Variants in KCNH1 observed in about 807,000 individuals in gnomAD.
KCNH1 encodes the protein potassium voltage-gated channel subfamily H member 1.
In KCNH1, 27 loss-of-function variants were observed where a neutral mutation model predicts 69.2. The ratio of observed to expected loss-of-function variants is 0.39; its 90% confidence interval spans 0.29 to 0.54. The LOEUF (loss-of-function observed/expected upper bound fraction) is 0.54. KCNH1 is among the 20% of genes least tolerant of loss of function. KCNH1 has a pLI of 0.68. For missense variants in KCNH1, 798 were observed against 1,261.6 expected, an observed-to-expected ratio of 0.63 and a Z score of 5.57; for synonymous variants, 456 against 487.7, an observed-to-expected ratio of 0.93 and a Z score of 0.86.
At chr1:210,947,283 T>C (rs1369137629) in intron 6 of KCNH1, among the ~76,000 whole-genome samples, 1 of 152,040 alleles carries the variant, frequency 6.6e-6, no homozygotes, top group African/African-American at 2.4e-5. Context: ...TAAAGCTCAA[T>C]TCTTGGCCAG....
At chr1:210,767,936 C>T (rs1479664336) in intron 10 of KCNH1, among the ~76,000 whole-genome samples, 1 of 152,202 alleles carries the variant, frequency 6.6e-6, no homozygotes, top group Non-Finnish European at 1.5e-5. Context: ...CTCTACCATT[C>T]CCTCCATTCA....
At chr1:210,719,544 G>A (rs1682399307) in intron 10 of KCNH1, among the ~76,000 whole-genome samples, 1 of 152,036 alleles carries the variant, frequency 6.6e-6, no homozygotes, top group Admixed American at 6.6e-5. Context: ...AGGGCCTGTT[G>A]GGGAGTGGAT....
chr1:211,004,800 T>C (rs943454214), intron 6 of KCNH1, among the ~76,000 whole-genome samples: 13 of 152,074 alleles, frequency 8.5e-5, no homozygotes, highest in Non-Finnish European at 1.8e-4. Flanking sequence ...TAGAAAAATA[T>C]ACCATGTAAA....
chr1:210,809,304 A>G (rs1350111126), intron 7 of KCNH1, among the ~76,000 whole-genome samples: 1 of 152,104 alleles, frequency 6.6e-6, no homozygotes, highest in Non-Finnish European at 1.5e-5. Context: ...TGAAAATGAC[A>G]AGGTTCATAA....
chr1:210,947,804 G>A (rs1013040760), intron 6 of KCNH1, among the ~76,000 whole-genome samples: 5 of 152,062 alleles, frequency 3.3e-5, no homozygotes, highest in Admixed American at 6.6e-5. Flanking sequence ...CAGAAATCCT[G>A]GCTTTACTTG....
At chr1:210,945,776 C>T (rs746835395) in intron 6 of KCNH1, among the ~76,000 whole-genome samples, 1 of 152,238 alleles carries the variant, frequency 6.6e-6, no homozygotes, top group Non-Finnish European at 1.5e-5. Context: ...TCTGCCAGAA[C>T]ATTGGCACCC....
At position 210,748,608 on chromosome 1, in the gene KCNH1, G is replaced by A. The variant is rs1683216200; in HGVS notation, c.2112+26740C>T. Among the ~76,000 whole-genome samples the A allele has an allele frequency of 2.0e-5, 3 of 152,186 alleles. No homozygotes were observed. The South Asian group carries it at 6.2e-4, about 32-fold the overall frequency. On this transcript the variant is annotated intron_variant, in intron 10 of 10. Transcript: ENST00000271751. Reference sequence around the variant, plus strand: ...TCTATCAAAATACATTGCTCCCCTAGGAGGTGGCAGGCCGAGATAAATAAG... The same window carrying A: ...TCTATCAAAATACATTGCTCCCCTAAGAGGTGGCAGGCCGAGATAAATAAG...
At chr1:210,999,037 A>C (rs1689111898) in intron 6 of KCNH1, among the ~76,000 whole-genome samples, 1 of 152,254 alleles carries the variant, frequency 6.6e-6, no homozygotes, top group African/African-American at 2.4e-5. Context: ...AATTTATAGC[A>C]CTACATGCCC....
At chr1:210,907,252 T>C (rs1687121127) in intron 7 of KCNH1, among the ~76,000 whole-genome samples, 1 of 152,122 alleles carries the variant, frequency 6.6e-6, no homozygotes, top group Non-Finnish European at 1.5e-5. Context: ...GTAGTCAGGG[T>C]ACAATGGCTC....
intron 10 of KCNH1, among the ~76,000 whole-genome samples, chr1:210,734,633 T>G (rs1682829259): frequency 6.6e-6 from 1 of 152,044 alleles, no homozygotes; most frequent in African/African-American, 2.4e-5. Flanking sequence ...ACGGCCTTCC[T>G]GGGGTGGCTC....
chr1:210,753,909 ATTT>A (rs397982788), intron 10 of KCNH1, among the ~76,000 whole-genome samples: 4 of 140,924 alleles, frequency 2.8e-5, no homozygotes, highest in African/African-American at 7.9e-5. Context: ...TATCAGACTA[ATTT>A]TTTTTTTTTT....
chr1:210,851,968 T>C (rs916662405), intron 7 of KCNH1, among the ~76,000 whole-genome samples: 1 of 152,194 alleles, frequency 6.6e-6, no homozygotes, highest in African/African-American at 2.4e-5. Flanking sequence ...GGTGAGCAAA[T>C]CAGACTTGGC....
chr1:210,740,207 T>A (rs958072462), intron 10 of KCNH1, among the ~76,000 whole-genome samples: 1 of 152,202 alleles, frequency 6.6e-6, no homozygotes. Context: ...TACACATTTA[T>A]TTCCATCAAT....
rs1296188648 is a variant in KCNH1 at position 210,682,546 on chromosome 1, G to A, written c.*735C>T. 2.0e-5 allele frequency: 3 copies of A among 152,386 alleles called. No individual in the cohort carries two copies. In the East Asian group the frequency reaches 5.8e-4, roughly 29 times the overall value. 9.4% of individuals were successfully genotyped at this position (152,386 alleles called of 1,614,324 possible). A position where few individuals can be genotyped will look rare whatever the true frequency, so the allele number is the denominator to read the frequency against. On this transcript the variant is annotated 3_prime_UTR_variant, in exon 11 of 11. Coordinates refer to ENST00000271751, the MANE Select transcript of KCNH1 (RefSeq NM_172362.3). ...GCCCTCCCTGTCAACTGTCCCAGAG[G>A]AGCAGGCTATGGGTTGCACCGCAGA...
intron 10 of KCNH1, among the ~76,000 whole-genome samples, chr1:210,748,519 A>G (rs1032728253): frequency 1.3e-5 from 2 of 152,228 alleles, no homozygotes; most frequent in Non-Finnish European, 2.9e-5. Flanking sequence ...CTGGGAAATG[A>G]TAATAAAAAG....
chr1:210,927,332 A>T lies in KCNH1; in HGVS notation c.1033-7263T>A, dbSNP rs146404274. Among the ~76,000 whole-genome samples, 6 of 152,352 alleles carry T rather than the reference A, an allele frequency of 3.9e-5. No homozygotes were observed. The East Asian group carries it at 1.2e-3, about 29-fold the overall frequency. On this transcript the variant is annotated intron_variant, in intron 6 of 10. Transcript: ENST00000271751. ...GGCAAAAGCATCAGGTAACCTATAA[A>T]GGAAAATCTATCAGATTAACAGCAG...
At chr1:210,983,615 T>A (rs1688761043) in intron 6 of KCNH1, among the ~76,000 whole-genome samples, 2 of 152,244 alleles carry the variant, frequency 1.3e-5, no homozygotes, top group South Asian at 4.1e-4. Flanking sequence ...GGCTCTGTTC[T>A]GTTGCATCAG....
rs1008822623 is a variant in KCNH1 at position 210,975,758 on chromosome 1, A to G, written c.1032+43025T>C. 7.8e-4 allele frequency among the ~76,000 whole-genome samples: 119 copies of G among 152,344 alleles called. 1 individual carries two copies. The highest frequency in any genetic ancestry group is 3.4e-3 in the Middle Eastern group (1 of 294). On this transcript the variant is annotated intron_variant, in intron 6 of 10. Transcript: ENST00000271751. ...AGCCAAAATTGACAAATGGGATCTA[A>G]TTAAACTAAAGAGCTTCTGCACAGC...
chr1:210,793,140 G>T (rs1684241666), intron 9 of KCNH1, among the ~76,000 whole-genome samples: 1 of 152,150 alleles, frequency 6.6e-6, no homozygotes, highest in African/African-American at 2.4e-5. Flanking sequence ...ATTTCTAAGA[G>T]AATTCCAAAA....
Sources: gnomAD v4.1 joint callset for allele counts (sites outside exome capture counted in the v4.1 genomes callset) on GRCh38, gnomAD v4.1.1 for gene constraint, MANE v1.5 for transcripts, NCBI Gene and HGNC (gene_info 2026-07-23, HGNC 2026-07-21) for gene names.